Variants in GPC6 observed in about 807,000 individuals in gnomAD.
GPC6 encodes glypican-6.
In GPC6, 14 loss-of-function variants were observed where a neutral mutation model predicts 55.2. That is an observed-to-expected ratio of 0.25 (90% CI 0.17 to 0.40). The LOEUF (loss-of-function observed/expected upper bound fraction) is 0.40. Among genes scored for constraint, GPC6 ranks in the 10% least tolerant of loss-of-function variants. GPC6 has a pLI of 1.00. For synonymous variants in GPC6, 278 were observed against 259.6 expected (o/e 1.07, Z -0.68); for missense variants, 641 against 708.5 (o/e 0.90, Z 1.08).
In GPC6 at chr13:93,559,635, A is replaced by G. The variant is rs183580452; in HGVS notation, c.319+14214A>G. On this transcript the variant is annotated intron_variant, in intron 2 of 8. Coordinates refer to ENST00000377047, the MANE Select transcript of GPC6 (RefSeq NM_005708.5). ...AAGTCTACTTTATAAAAAGACATGA[A>G]TATTTACTTACTATACATTTATACA... is the stretch of plus-strand genomic sequence containing the variant. Among the ~76,000 whole-genome samples, 46 of 152,328 alleles carry G rather than the reference A, an allele frequency of 3.0e-4. 1 individual carries two copies. The East Asian group carries it at 7.7e-3, about 26-fold the overall frequency.
intron 4 of GPC6, among the ~76,000 whole-genome samples, chr13:94,257,927 T>C (rs1891552390): frequency 6.6e-6 from 1 of 152,166 alleles, no homozygotes; most frequent in African/African-American, 2.4e-5. Context: ...ACTTCCTTCC[T>C]TAGCATTAAG....
At chr13:93,425,871 T>C (rs1877106849) in intron 1 of GPC6, among the ~76,000 whole-genome samples, 1 of 152,134 alleles carries the variant, frequency 6.6e-6, no homozygotes, top group East Asian at 1.9e-4. Context: ...GCAGCCACAA[T>C]ACCCTCCCTA....
chr13:93,734,445 G>A lies in GPC6; in HGVS notation c.320-95709G>A, dbSNP rs116261068. Among the ~76,000 whole-genome samples, 827 of 152,258 alleles carry A rather than the reference G, an allele frequency of 5.4e-3. 9 individuals are homozygous for A. The highest frequency in any genetic ancestry group is 0.018 in the African/African-American group (756 of 41,554). Reference sequence around the variant, plus strand: ...GTTCTCCAATTTGTCTGGGTGAAGAGCATTGAACAATTAGGCATACTTTTG... The same window carrying A: ...GTTCTCCAATTTGTCTGGGTGAAGAACATTGAACAATTAGGCATACTTTTG... On this transcript the variant is annotated intron_variant, in intron 2 of 8. Transcript: ENST00000377047.
At chr13:94,157,737 G>A (rs1888004624) in intron 4 of GPC6, among the ~76,000 whole-genome samples, 1 of 152,188 alleles carries the variant, frequency 6.6e-6, no homozygotes, top group Non-Finnish European at 1.5e-5. Flanking sequence ...TAACAGCAGT[G>A]TGCACACTAC....
chr13:93,456,692 G>T (rs1269122409), intron 1 of GPC6, among the ~76,000 whole-genome samples: 1 of 152,048 alleles, frequency 6.6e-6, no homozygotes, highest in African/African-American at 2.4e-5. Context: ...ATATGGAAAA[G>T]AATAGAGACG....
intron 1 of GPC6, among the ~76,000 whole-genome samples, chr13:93,248,443 T>C (rs930913085): frequency 9.2e-5 from 14 of 152,048 alleles, no homozygotes; most frequent in African/African-American, 3.4e-4. Flanking sequence ...AAGTGTTTTT[T>C]TTTTTTTTCT....
chr13:93,837,148 TTGTG>T (rs1887767278), intron 3 of GPC6, among the ~76,000 whole-genome samples: 1 of 152,174 alleles, frequency 6.6e-6, no homozygotes, highest in South Asian at 2.1e-4. Flanking sequence ...TAAAGGCTAT[TTGTG>T]TAATCTTGTT....
At chr13:93,947,774 T>C (rs911016510) in intron 3 of GPC6, among the ~76,000 whole-genome samples, 1 of 152,112 alleles carries the variant, frequency 6.6e-6, no homozygotes, top group Non-Finnish European at 1.5e-5. Flanking sequence ...AAGTTTCTGT[T>C]GCAGTACTGA....
chr13:94,292,460 A>G (rs1263118867), intron 5 of GPC6, among the ~76,000 whole-genome samples: 1 of 152,218 alleles, frequency 6.6e-6, no homozygotes, highest in Non-Finnish European at 1.5e-5. Flanking sequence ...CTTTACAACT[A>G]TGCCTAGTAC....
At chr13:94,319,629 C>T (rs1876716094) in intron 6 of GPC6, among the ~76,000 whole-genome samples, 1 of 152,002 alleles carries the variant, frequency 6.6e-6, no homozygotes, top group African/African-American at 2.4e-5. Flanking sequence ...GTCTTTTTGC[C>T]CTCATTCTTG....
intron 3 of GPC6, among the ~76,000 whole-genome samples, chr13:93,861,111 T>G (rs1473481014): frequency 6.6e-6 from 1 of 151,490 alleles, no homozygotes; most frequent in Non-Finnish European, 1.5e-5. Flanking sequence ...GTAAACCCCT[T>G]AGAACATTGT....
At chr13:93,860,428 C>T (rs929160730) in intron 3 of GPC6, among the ~76,000 whole-genome samples, 3 of 151,540 alleles carry the variant, frequency 2.0e-5, no homozygotes, top group East Asian at 2.0e-4. Flanking sequence ...ATAAAAGGCT[C>T]ATTTTCATCT....
At position 93,384,896 on chromosome 13, in the gene GPC6, A is replaced by G. The variant is rs530380838; in HGVS notation, c.160+157280A>G. Among the ~76,000 whole-genome samples, 3 of 152,314 alleles carry G rather than the reference A, an allele frequency of 2.0e-5. No individual in the cohort carries two copies. In the South Asian group the frequency reaches 6.2e-4, roughly 32 times the overall value. Reference sequence around the variant, plus strand: ...CATTCATACAAAAACGCATCTTCTGAGTGCTGGCCATGTGCCAGGCACTGT... The same window carrying G: ...CATTCATACAAAAACGCATCTTCTGGGTGCTGGCCATGTGCCAGGCACTGT... On this transcript the variant is annotated intron_variant, in intron 1 of 8. Coordinates refer to ENST00000377047, the MANE Select transcript of GPC6 (RefSeq NM_005708.5).
At chr13:94,386,195 TA>T (rs1368985275) in intron 7 of GPC6, among the ~76,000 whole-genome samples, 49 of 151,696 alleles carry the variant, frequency 3.2e-4, no homozygotes, top group East Asian at 2.5e-3. Context: ...CCGTCTCTAC[TA>T]AAAAATACAA....
At chr13:94,013,779 A>G (rs1882346648) in intron 3 of GPC6, among the ~76,000 whole-genome samples, 1 of 152,184 alleles carries the variant, frequency 6.6e-6, no homozygotes, top group Non-Finnish European at 1.5e-5. Flanking sequence ...CTTATTTCCT[A>G]TGTCCTGCTT....
At chr13:93,992,426 G>A (rs906361425) in intron 3 of GPC6, among the ~76,000 whole-genome samples, 10 of 152,108 alleles carry the variant, frequency 6.6e-5, no homozygotes, top group African/African-American at 1.9e-4. Context: ...ATTTAATTGT[G>A]TACTTTATTA....
At chr13:93,780,634 A>G (rs951448535) in intron 2 of GPC6, among the ~76,000 whole-genome samples, 42 of 138,480 alleles carry the variant, frequency 3.0e-4, no homozygotes, top group Admixed American at 1.3e-3. Flanking sequence ...CACACACAAA[A>G]TAAAATTTTA....
At chr13:93,624,765 C>G (rs1049634285) in intron 2 of GPC6, among the ~76,000 whole-genome samples, 2 of 152,128 alleles carry the variant, frequency 1.3e-5, no homozygotes, top group Admixed American at 6.5e-5. Flanking sequence ...ATATCAGTAT[C>G]CATTATCATG....
chr13:94,300,503 C>A (rs1230468606), intron 5 of GPC6, among the ~76,000 whole-genome samples: 1 of 152,194 alleles, frequency 6.6e-6, no homozygotes, highest in Non-Finnish European at 1.5e-5. Context: ...ATCCTAATGT[C>A]AGCTTCTTTA....
Sources: allele counts gnomAD v4.1 joint callset (sites outside exome capture counted in the v4.1 genomes callset), GRCh38; gene constraint gnomAD v4.1.1; transcripts MANE v1.5; gene names NCBI Gene and HGNC (gene_info 2026-07-23, HGNC 2026-07-21).